SCN11A: variants seen among roughly 807,000 people sequenced by gnomAD.
SCN11A encodes the protein sodium channel protein type 11 subunit alpha.
SCN11A carries 122 observed loss-of-function variants against 162.2 expected under a neutral mutation model. The ratio of observed to expected loss-of-function variants is 0.75; its 90% CI spans 0.65 to 0.87. The LOEUF (loss-of-function observed/expected upper bound fraction) is 0.87. Ranked by LOEUF, SCN11A falls within the 40% of genes least tolerant of loss-of-function variation. The pLI, the probability that SCN11A is intolerant of heterozygous loss-of-function variation, is 0.00. For missense variants in SCN11A, 2,015 were observed against 2,181.6 expected (o/e 0.92, Z 1.52); for synonymous variants, 758 against 751.5 (o/e 1.01, Z -0.14).
chr3:38,872,562 C>T (rs899050393), intron 23 of SCN11A, among the ~76,000 whole-genome samples: 1 of 152,072 alleles, frequency 6.6e-6, no homozygotes, highest in African/African-American at 2.4e-5. Flanking sequence ...GGGAATTAAC[C>T]ATAAAGAATC....
chr3:38,913,328 G>T (rs2065912188), intron 11 of SCN11A, among the ~76,000 whole-genome samples: 1 of 152,104 alleles, frequency 6.6e-6, no homozygotes, highest in Admixed American at 6.6e-5. Context: ...TTTCAGTGGA[G>T]TTGTTTTCTT....
chr3:38,929,131 G>GCGCGCA (rs774058202), intron 7 of SCN11A, among the ~76,000 whole-genome samples: 769 of 37,048 alleles, frequency 0.021, 9 homozygotes, highest in African/African-American at 0.042. Flanking sequence ...CTGGGTCTGT[G>GCGCGCA]CACGCACACA....
At chr3:38,886,367 TC>T in intron 19 of SCN11A, 129 bp from the exon 20 acceptor site, 1 of 513,540 alleles carries the variant, frequency 1.9e-6, no homozygotes. Flanking sequence ...TACTCTTTTT[TC>T]TCTTTAGAAA....
At chr3:38,920,998 G>A in intron 10 of SCN11A, 78 bp downstream of exon 10, 1 of 1,336,712 alleles carries the variant, frequency 7.5e-7, no homozygotes, top group African/African-American at 1.4e-5. Context: ...TAAGGGAAGT[G>A]TGAAGGCAGG....
intron 2 of SCN11A, among the ~76,000 whole-genome samples, chr3:38,964,225 T>C (rs2066767059): frequency 6.6e-6 from 1 of 152,178 alleles, no homozygotes; most frequent in African/African-American, 2.4e-5. Context: ...CCCTTGGTGA[T>C]GGCAGGCAGC....
intron 7 of SCN11A, among the ~76,000 whole-genome samples, chr3:38,941,859 A>G (rs13092016): frequency 0.11 from 16,520 of 152,088 alleles, 981 homozygotes; most frequent in Middle Eastern, 0.16. Context: ...ATCCAATTAT[A>G]TAACTATATT....
In SCN11A at chr3:38,899,952, T is replaced by A. The variant is rs1575266312; in HGVS notation, c.1964A>T (p.Asp655Val). Residue 655 changes from aspartate (D) to valine (V), a missense_variant, in exon 17 of 30, where the codon GAT (aspartate) becomes GTT (valine). Coordinates refer to ENST00000302328, the MANE Select transcript of SCN11A (RefSeq NM_001349253.2). ...CTTTTGAAGTACACAGTTCATTACATCTGCAAAACTCAGAAGAGCAACAAT... is the reference window on the plus strand; with the variant it reads ...CTTTTGAAGTACACAGTTCATTACAACTGCAAAACTCAGAAGAGCAACAAT... ...DSIVALLSFA[D>V]VMNCVLQKRS... The A allele has an allele frequency of 6.2e-7, 1 of 1,614,088 alleles. No homozygotes were observed. Among genetic ancestry groups the A allele is most frequent in the Middle Eastern group, 1.6e-4 (1 of 6,062 alleles).
intron 19 of SCN11A, among the ~76,000 whole-genome samples, chr3:38,889,522 G>A (rs926206723): frequency 1.6e-4 from 25 of 151,652 alleles, no homozygotes; most frequent in South Asian, 1.0e-3. Context: ...AATGCTGGCC[G>A]GGCGCGGTGG....
chr3:39,008,748 T>A (rs1172662475), intron 2 of SCN11A, among the ~76,000 whole-genome samples: 2 of 151,970 alleles, frequency 1.3e-5, no homozygotes, highest in African/African-American at 4.8e-5. Context: ...GTGGGTGTAG[T>A]GGCACGTGCC....
chr3:39,014,383 G>A (rs1159149976), intron 2 of SCN11A, among the ~76,000 whole-genome samples: 1 of 152,174 alleles, frequency 6.6e-6, no homozygotes, highest in Non-Finnish European at 1.5e-5. Context: ...CTTGCAAACA[G>A]GTTATTAATT....
intron 4 of SCN11A, among the ~76,000 whole-genome samples, chr3:38,952,951 A>C (rs2066639138): frequency 1.3e-5 from 2 of 152,200 alleles, no homozygotes; most frequent in South Asian, 4.1e-4. Flanking sequence ...TCTTTGGTAA[A>C]GATCATGGAC....
intron 19 of SCN11A, among the ~76,000 whole-genome samples, chr3:38,890,188 C>T (rs1035115016): frequency 6.6e-6 from 1 of 152,140 alleles, no homozygotes; most frequent in African/African-American, 2.4e-5. Flanking sequence ...AGGGCAAAAG[C>T]TCTGGGGGTG....
At chr3:38,951,280 G>A (rs2066610659) in intron 4 of SCN11A, among the ~76,000 whole-genome samples, 1 of 152,238 alleles carries the variant, frequency 6.6e-6, no homozygotes, top group African/African-American at 2.4e-5. Flanking sequence ...GGGCAGTGAG[G>A]GGCTTGGCAC....
chr3:38,866,159 A>G (rs930387316), intron 27 of SCN11A, among the ~76,000 whole-genome samples: 13 of 152,274 alleles, frequency 8.5e-5, no homozygotes, highest in African/African-American at 2.9e-4. Context: ...ATCAGGATAA[A>G]TTATGGTCTA....
intron 2 of SCN11A, among the ~76,000 whole-genome samples, chr3:39,012,223 G>A (rs2125603052): frequency 6.6e-6 from 1 of 152,220 alleles, no homozygotes; most frequent in Non-Finnish European, 1.5e-5. Flanking sequence ...TACTTGGGAG[G>A]CTGAGGCAGG....
At chr3:38,986,817 C>T (rs946142448) in intron 2 of SCN11A, among the ~76,000 whole-genome samples, 1 of 152,144 alleles carries the variant, frequency 6.6e-6, no homozygotes, top group African/African-American at 2.4e-5. Context: ...TGCAGCCTGG[C>T]CATGCAGAGC....
At chr3:39,014,908 C>G (rs1285658366) in intron 2 of SCN11A, among the ~76,000 whole-genome samples, 2 of 152,202 alleles carry the variant, frequency 1.3e-5, no homozygotes, top group African/African-American at 2.4e-5. Flanking sequence ...AGGGGCTCAT[C>G]ATCAGCCTTT....
chr3:38,937,351 C>G (rs2066352333), intron 7 of SCN11A, among the ~76,000 whole-genome samples: 1 of 150,058 alleles, frequency 6.7e-6, no homozygotes, highest in Non-Finnish European at 1.5e-5. Context: ...GCAATGGCAA[C>G]AAAAGCCAAA....
intron 3 of SCN11A, among the ~76,000 whole-genome samples, chr3:38,954,886 G>C (rs1421480875): frequency 6.6e-6 from 1 of 152,170 alleles, no homozygotes; most frequent in East Asian, 1.9e-4. Context: ...CCACTCGGGA[G>C]GCTGAGCAGG....
Sources: gnomAD v4.1 joint callset for allele counts (sites outside exome capture counted in the v4.1 genomes callset) on GRCh38, gnomAD v4.1.1 for gene constraint, MANE v1.5 for transcripts, NCBI Gene and HGNC (gene_info 2026-07-23, HGNC 2026-07-21) for gene names.